Variants in RFX3 observed in about 807,000 individuals in gnomAD.
RFX3 encodes the protein transcription factor RFX3.
RFX3 carries 14 observed loss-of-function variants against 98.6 expected under a neutral mutation model. The ratio of observed to expected loss-of-function variants is 0.14; its 90% CI spans 0.09 to 0.22. The LOEUF (loss-of-function observed/expected upper bound fraction) is 0.22, where lower values mean the gene tolerates loss of function less well. Among genes scored for constraint, RFX3 ranks in the 10% least tolerant of loss-of-function variants. The probability of loss-of-function intolerance (pLI) is 1.00; values close to 1 mark genes in which losing one functional copy is unlikely to be tolerated. For missense variants in RFX3, 639 were observed against 926.9 expected, an observed-to-expected ratio of 0.69 and a Z score of 4.03; for synonymous variants, 383 against 328.4, an observed-to-expected ratio of 1.17 and a Z score of -1.80.
At chr9:3,505,531 G>A (rs910553899) in intron 1 of RFX3, among the ~76,000 whole-genome samples, 1 of 77,110 alleles carries the variant, frequency 1.3e-5, no homozygotes, top group Non-Finnish European at 3.2e-5. Context: ...AATGATAAAA[G>A]GGGGTAAAGA....
At chr9:3,418,245 G>A (rs762092216) in intron 1 of RFX3, among the ~76,000 whole-genome samples, 7 of 152,134 alleles carry the variant, frequency 4.6e-5, no homozygotes, top group African/African-American at 7.2e-5. Flanking sequence ...AGTTCTTACC[G>A]CCTTAGAGTG....
At chr9:3,336,379 G>A (rs751016658) in intron 3 of RFX3, among the ~76,000 whole-genome samples, 1 of 151,620 alleles carries the variant, frequency 6.6e-6, no homozygotes, top group Non-Finnish European at 1.5e-5. Context: ...AAGATAATTA[G>A]AAGTTTTCCT....
intron 15 of RFX3, among the ~76,000 whole-genome samples, chr9:3,245,194 G>T (rs563771413): frequency 1.3e-5 from 2 of 152,282 alleles, no homozygotes; most frequent in South Asian, 4.1e-4. Context: ...ACTGTTTAAG[G>T]TATTCTGGAG....
At chr9:3,413,314 T>C (rs1842617452) in intron 1 of RFX3, among the ~76,000 whole-genome samples, 1 of 152,116 alleles carries the variant, frequency 6.6e-6, no homozygotes. Context: ...TTTTATGAAA[T>C]ACTATAAGAC....
At chr9:3,313,055 C>A (rs544492835) in intron 4 of RFX3, among the ~76,000 whole-genome samples, 2 of 152,324 alleles carry the variant, frequency 1.3e-5, no homozygotes, top group South Asian at 4.1e-4. Flanking sequence ...TAAGAACGGA[C>A]AGATTGCCTC....
At chr9:3,420,385 G>A (rs1458201179) in intron 1 of RFX3, among the ~76,000 whole-genome samples, 2 of 152,144 alleles carry the variant, frequency 1.3e-5, no homozygotes, top group Admixed American at 1.3e-4. Flanking sequence ...AAGACCAATT[G>A]CAGTCATAAA....
rs909001661 is a variant in RFX3 at position 3,266,388 on chromosome 9, T to A, written c.1358-83A>T. The A allele has an allele frequency of 1.3e-5, 11 of 816,336 alleles. 1 individual carries two copies. The Admixed American group carries it at 1.5e-4, about 11-fold the overall frequency. 50.6% of individuals were successfully genotyped at this position (816,336 alleles called of 1,614,324 possible). ...GTGCTAGAATAAAAGAAAATGCTCG[T>A]ACACAATATCTGATACAGCACAGAA... On this transcript the variant is annotated intron_variant, in intron 11 of 16. Transcript: ENST00000617270.
rs1212007620 is a variant in RFX3 at position 3,221,436 on chromosome 9, C to A, written c.*3606G>T. 1 of 152,148 alleles carries A rather than the reference C, an allele frequency of 6.6e-6. No individual in the cohort carries two copies. Among genetic ancestry groups the A allele is most frequent in the South Asian group, 2.1e-4 (1 of 4,824 alleles). 9.4% of individuals were successfully genotyped at this position (152,148 alleles called of 1,614,324 possible). ...CAAAGGCAGTCAATGCTGCACACTACTAATTTTAGGTATGCAGTGTTAAAA... is the reference window on the plus strand; with the variant it reads ...CAAAGGCAGTCAATGCTGCACACTAATAATTTTAGGTATGCAGTGTTAAAA... On this transcript the variant is annotated 3_prime_UTR_variant, in exon 17 of 17. Transcript: ENST00000617270.
At chr9:3,519,805 T>C (rs899402264) in intron 1 of RFX3, among the ~76,000 whole-genome samples, 2 of 152,148 alleles carry the variant, frequency 1.3e-5, no homozygotes, top group African/African-American at 4.8e-5. Flanking sequence ...TGATTTGTTT[T>C]CACTAAGAAC....
intron 4 of RFX3, among the ~76,000 whole-genome samples, chr9:3,306,388 T>C (rs1218128370): frequency 6.6e-6 from 1 of 151,978 alleles, no homozygotes; most frequent in African/African-American, 2.4e-5. Flanking sequence ...TGTGTGCTGC[T>C]GATAGTGGGA....
intron 2 of RFX3, among the ~76,000 whole-genome samples, chr9:3,352,574 C>A (rs1395218736): frequency 6.6e-6 from 1 of 152,042 alleles, no homozygotes; most frequent in Admixed American, 6.6e-5. Context: ...CCTTACACAT[C>A]ATATTAAAAC....
At chr9:3,247,169 G>T in intron 15 of RFX3, 3 of 985,150 alleles carry the variant, frequency 3.0e-6, no homozygotes, top group Non-Finnish European at 3.6e-6. Flanking sequence ...AACTACCCCC[G>T]CCTCCTGCAT....
intron 5 of RFX3, among the ~76,000 whole-genome samples, chr9:3,299,571 CCCACTCTTT>C (rs2129983492): frequency 6.6e-6 from 1 of 151,708 alleles, no homozygotes; most frequent in South Asian, 2.1e-4. Context: ...AACATTTGCG[CCCACTCTTT>C]CCACATACTG....
At chr9:3,284,404 C>T (rs931873211) in intron 7 of RFX3, among the ~76,000 whole-genome samples, 15 of 151,450 alleles carry the variant, frequency 9.9e-5, no homozygotes, top group African/African-American at 3.4e-4. Flanking sequence ...GAGTGCATTT[C>T]GTCAAAAACT....
At position 3,494,816 on chromosome 9, in the gene RFX3, T is replaced by G. The variant is rs1275888927; in HGVS notation, c.-9+30931A>C. ...TCTAGTTCTGCACTCAATCTGCTGT[T>G]TTGTCTGAAGTTATGAAGAAAATGC... On this transcript the variant is annotated intron_variant, in intron 1 of 16. Transcript: ENST00000617270. Among the ~76,000 whole-genome samples the G allele has an allele frequency of 2.6e-5, 4 of 152,102 alleles. No homozygotes were observed. In the East Asian group the frequency reaches 7.7e-4, roughly 29 times the overall value.
At chr9:3,525,603 C>G (rs1819206043) in intron 1 of RFX3, 144 bp downstream of exon 1, 1 of 153,168 alleles carries the variant, frequency 6.5e-6, no homozygotes, top group African/African-American at 2.4e-5. Flanking sequence ...GGCGGCGGCG[C>G]CGCAGCGGCA....
intron 15 of RFX3, among the ~76,000 whole-genome samples, chr9:3,231,674 G>C (rs919280156): frequency 2.6e-5 from 4 of 151,988 alleles, no homozygotes; most frequent in African/African-American, 9.7e-5. Context: ...CAGGAAGGAA[G>C]GGTATGAACA....
At chr9:3,265,406 A>T (rs1823494311) in intron 12 of RFX3, among the ~76,000 whole-genome samples, 1 of 152,184 alleles carries the variant, frequency 6.6e-6, no homozygotes, top group African/African-American at 2.4e-5. Context: ...ATGTTCCCAC[A>T]GAGGTTTATC....
At chr9:3,492,637 C>A (rs1179502328) in intron 1 of RFX3, among the ~76,000 whole-genome samples, 1 of 152,140 alleles carries the variant, frequency 6.6e-6, no homozygotes, top group African/African-American at 2.4e-5. Flanking sequence ...ACATTGCCTG[C>A]AGGATGATCT....
Sources: gnomAD v4.1 joint callset for allele counts (sites outside exome capture counted in the v4.1 genomes callset) on GRCh38, gnomAD v4.1.1 for gene constraint, MANE v1.5 for transcripts, NCBI Gene and HGNC (gene_info 2026-07-23, HGNC 2026-07-21) for gene names.